SLC4A11: variants seen among roughly 807,000 people sequenced by gnomAD.
The protein encoded by SLC4A11 is solute carrier family 4 member 11, also known as bicarbonate transporter related protein 1.
SLC4A11 carries 74 observed loss-of-function variants against 95.0 expected under a neutral mutation model. The ratio of observed to expected loss-of-function variants is 0.78; its 90% confidence interval spans 0.65 to 0.95. The LOEUF (loss-of-function observed/expected upper bound fraction) is 0.95. SLC4A11 is among the 40% of genes least tolerant of loss of function. The pLI, the probability that SLC4A11 is intolerant of heterozygous loss-of-function variation, is 0.00. For missense variants in SLC4A11, 1,081 were observed against 1,192.4 expected, an observed-to-expected ratio of 0.91 and a Z score of 1.38; for synonymous variants, 548 against 519.0, an observed-to-expected ratio of 1.06 and a Z score of -0.76.
rs2067863060 is a variant in SLC4A11 at position 3,233,747 on chromosome 20, AAAG to A, written c.606-113_606-111del. 1.4e-5 allele frequency: 22 copies of A among 1,555,884 alleles called. No homozygotes were observed. The South Asian group carries it at 2.5e-4, about 17-fold the overall frequency. On this transcript the variant is annotated intron_variant, in intron 6 of 19. Transcript: ENST00000642402. The stretch of plus-strand genomic sequence containing the variant: ...CCTGGCGACCTCTGCTAGGGAGGGA[AAAG>A]AAGAGCAAATGGGACGTTCCTTGGC...
At chr20:3,236,803 C>T (rs1376921595) in intron 2 of SLC4A11, among the ~76,000 whole-genome samples, 2 of 152,092 alleles carry the variant, frequency 1.3e-5, no homozygotes, top group Non-Finnish European at 2.9e-5. Flanking sequence ...CCCATTCTTC[C>T]CCTGATGCCC....
chr20:3,239,034 G>C (rs1198255355), intron 1 of SLC4A11, 61 bp downstream of exon 1: 13 of 1,453,332 alleles, frequency 8.9e-6, no homozygotes, highest in Non-Finnish European at 1.1e-5. Flanking sequence ...GGTCCCCGAC[G>C]GGAGACGGTG....
intron 2 of SLC4A11, among the ~76,000 whole-genome samples, chr20:3,236,665 C>G (rs748995588): frequency 7.2e-5 from 11 of 152,140 alleles, no homozygotes; most frequent in Admixed American, 2.6e-4. Context: ...CTCCTTCCTC[C>G]CCGGGTCAGG....
rs752450557 is a variant in SLC4A11, at chr20:3,234,927, G to A, written c.89-33C>T. The stretch of plus-strand genomic sequence containing the variant: ...CCCCCAAGAGCAAGAGGGCCTGGCT[G>A]TTAAAGTGCCACACACAGGAAGGAG... On this transcript the variant is annotated intron_variant, in intron 2 of 19. Transcript: ENST00000642402. The surrounding 1 kb of genome is among the most constrained non-coding windows in gnomAD (Gnocchi z 5.8). The A allele has an allele frequency of 1.9e-6, 3 of 1,613,414 alleles. No individual in the cohort carries two copies. In the South Asian group the frequency reaches 3.3e-5, roughly 18 times the overall value.
Position 3,229,193 on chromosome 20 carries a change from C to T in SLC4A11, c.1920G>A (p.Arg640=), listed in dbSNP as rs2067660076. The part of the protein sequence containing the change: ...AMAQIQSLSL[R]AVSGAMGLGF... ...CGAGGCCCATGGCACCGCTGACGGC[C>T]CTCAGGGACAGCGACTGGATCTGCG... The change falls in exon 16 of 20, where the codon AGG becomes AGA. Residue 640 remains arginine, a synonymous_variant. Transcript: ENST00000642402. 1 of 1,612,536 alleles carries T rather than the reference C, an allele frequency of 6.2e-7. No individual in the cohort carries two copies. Among genetic ancestry groups the T allele is most frequent in the South Asian group, 1.1e-5 (1 of 91,080 alleles).
At chr20:3,232,950 C>G (rs1268106493) in intron 7 of SLC4A11, among the ~76,000 whole-genome samples, 2 of 152,158 alleles carry the variant, frequency 1.3e-5, no homozygotes, top group Non-Finnish European at 2.9e-5. Context: ...AGGTTCCCGC[C>G]ATGTCTGAGA....
chr20:3,229,845 G>C, intron 13 of SLC4A11, 69 bp from the exon 14 acceptor site: 1 of 1,605,742 alleles, frequency 6.2e-7, no homozygotes, highest in Non-Finnish European at 8.5e-7. Context: ...GGAGGGAGGG[G>C]ATCTCAGGGA....
chr20:3,228,312 C>T lies in SLC4A11; in HGVS notation c.2505G>A (p.Leu835=), dbSNP rs1568526892. 1.9e-6 allele frequency: 3 copies of T among 1,613,146 alleles called. No individual in the cohort carries two copies. The highest frequency in any genetic ancestry group is 8.5e-7 in the Non-Finnish European group (1 of 1,179,968). ...LLLCAFGMSS[L]PYMKMIFPLI... is the part of the protein sequence containing the mutation. ...GGGGAAAGATCATCTTCATGTAGGG[C>T]AGGGAGCTCATGCCGAAGGCACACA... Residue 835 remains leucine (L), a synonymous_variant, in exon 19 of 20, where the codon CTG becomes CTA. Coordinates refer to ENST00000642402, the MANE Select transcript of SLC4A11 (RefSeq NM_001174089.2).
Position 3,237,558 on chromosome 20 carries a change from T to C in SLC4A11, c.74A>G (p.Tyr25Cys), listed in dbSNP as rs758149180. The C allele has an allele frequency of 5.6e-6, 9 of 1,613,986 alleles. No homozygotes were observed. Among genetic ancestry groups the C allele is most frequent in the Non-Finnish European group, 7.6e-6 (9 of 1,179,992 alleles). ...GAGGTACTCACTTGAATCCTCGAAG[T>C]ATCCATTCTGCGACATGGTGGGAGA... ...ENSPTMSQNG[Y>C]FEDSSYYKCD... is the part of the protein sequence containing the mutation. The change falls in exon 2 of 20, where the codon TAC becomes TGC. Residue 25 changes from tyrosine to cysteine, a missense_variant. Physicochemically the swap from Tyr to Cys is radical, Grantham distance 194 (BLOSUM62 -2). Coordinates refer to ENST00000642402, the MANE Select transcript of SLC4A11 (RefSeq NM_001174089.2).
chr20:3,230,181 A>G lies in SLC4A11; in HGVS notation c.1489+6T>C, dbSNP rs997274394. ...TGTTCAGCAGGTGGCCCCCAGCCGCACTCACTTTTAACCGTGCCCTTGACG... is the reference window on the plus strand; with the variant it reads ...TGTTCAGCAGGTGGCCCCCAGCCGCGCTCACTTTTAACCGTGCCCTTGACG... On this transcript the variant is annotated splice_donor_region_variant and intron_variant, in intron 13 of 19. Coordinates refer to ENST00000642402, the MANE Select transcript of SLC4A11 (RefSeq NM_001174089.2). The G allele has an allele frequency of 3.1e-6, 5 of 1,613,284 alleles. No individual in the cohort carries two copies. The highest frequency in any genetic ancestry group is 2.7e-5 in the African/African-American group (2 of 74,906).
At chr20:3,235,309 T>TCTCACACACA (rs1318815472) in intron 2 of SLC4A11, among the ~76,000 whole-genome samples, 3 of 123,540 alleles carry the variant, frequency 2.4e-5, no homozygotes, top group African/African-American at 9.5e-5. Flanking sequence ...TCTCTCTCTC[T>TCTCACACACA]CACACACACA....
chr20:3,232,612 C>CT (rs1176036372), intron 7 of SLC4A11, among the ~76,000 whole-genome samples: 1 of 152,158 alleles, frequency 6.6e-6, no homozygotes, highest in African/African-American at 2.4e-5. Flanking sequence ...ACTTGGGAGG[C>CT]TGAGGCGGGA....
At position 3,230,244 on chromosome 20, in the gene SLC4A11, T is replaced by C; in HGVS notation, c.1432A>G (p.Ile478Val). Residue 478 changes from isoleucine to valine, a missense_variant, in exon 13 of 20, where the codon ATC becomes GTC. Transcript: ENST00000642402. The stretch of plus-strand genomic sequence containing the variant: ...AACGTGATGGAAATGAAGAGGGCGA[T>C]GATCTCCTCCGTCGACCTGCCAGGA... The part of the protein sequence containing the change: ...SLFKRSTEEI[I>V]ALFISITFVL... The C allele has an allele frequency of 1.2e-6, 2 of 1,613,600 alleles. No individual in the cohort carries two copies. Among genetic ancestry groups the C allele is most frequent in the Non-Finnish European group, 1.7e-6 (2 of 1,180,016 alleles).
At position 3,229,755 on chromosome 20, in the gene SLC4A11, C is replaced by A. The variant is rs759081309; in HGVS notation, c.1511G>T (p.Gly504Val). The change falls in exon 14 of 20, where the codon GGG becomes GTG. Residue 504 changes from glycine to valine, a missense_variant. Gly to Val is a moderately radical substitution (Grantham distance 109). Around this residue, in one of 3 missense-constraint regions of SLC4A11, gnomAD observed 767 missense variants for 858.0 expected, o/e 0.89. Coordinates refer to ENST00000642402, the MANE Select transcript of SLC4A11 (RefSeq NM_001174089.2). ...TGTGTGATAGTCGTCCAAGTAATGC[C>A]CATAGTAGTACTTCCAGAAGACTGT... The part of the protein sequence containing the change: ...TVKIFWKYYY[G>V]HYLDDYHTKR... The A allele has an allele frequency of 6.2e-7, 1 of 1,613,954 alleles. No homozygotes were observed. The highest frequency in any genetic ancestry group is 1.1e-5 in the South Asian group (1 of 91,086).
In SLC4A11 at chr20:3,229,586, G is replaced by A. The variant is rs2122524125; in HGVS notation, c.1680C>T (p.Leu560=). 6.2e-7 allele frequency: 1 copy of A among 1,612,768 alleles called. No individual in the cohort carries two copies. The highest frequency in any genetic ancestry group is 1.1e-5 in the South Asian group (1 of 91,044). The change falls in exon 14 of 20, where the codon CTC becomes CTT. Residue 560 remains leucine, a synonymous_variant. Transcript: ENST00000642402. ...GCGTGCCCAGCATGATGAGGAGGCTGAGCACGGCGGTCGCCTGGCCTGAGT... is the reference window on the plus strand; with the variant it reads ...GCGTGCCCAGCATGATGAGGAGGCTAAGCACGGCGGTCGCCTGGCCTGAGT... The part of the protein sequence containing the change: ...ATHSGQATAV[L]SLLIMLGTLW...
At position 3,229,753 on chromosome 20, in the gene SLC4A11, G is replaced by C; in HGVS notation, c.1513C>G (p.His505Asp). ...TTTGTGTGATAGTCGTCCAAGTAAT[G>C]CCCATAGTAGTACTTCCAGAAGACT... ...VKIFWKYYYGHYLDDYHTKRT... is the reference protein window; with the variant it reads ...VKIFWKYYYGDYLDDYHTKRT... The change falls in exon 14 of 20, where the codon CAT (histidine) becomes GAT (aspartate). Residue 505 changes from histidine (H) to aspartate (D), a missense_variant. Around this residue, in one of 3 missense-constraint regions of SLC4A11, gnomAD observed 767 missense variants for 858.0 expected, o/e 0.89. Transcript: ENST00000642402. The C allele has an allele frequency of 6.2e-7, 1 of 1,613,942 alleles. No homozygotes were observed. The highest frequency in any genetic ancestry group is 8.5e-7 in the Non-Finnish European group (1 of 1,179,976).
chr20:3,227,877 G>A (rs762504810), intron 19 of SLC4A11, 21 bp from the exon 20 acceptor site: 4 of 1,610,526 alleles, frequency 2.5e-6, no homozygotes, highest in East Asian at 2.2e-5. Context: ...GGAGGGACAG[G>A]AGGATGAGCC....
chr20:3,234,482 G>A lies in SLC4A11; in HGVS notation c.291+86C>T. The A allele has an allele frequency of 6.3e-7, 1 of 1,579,836 alleles. No homozygotes were observed. The highest frequency in any genetic ancestry group is 8.7e-7 in the Non-Finnish European group (1 of 1,151,248). ...GCTGCTCCTGGAGGCATGGGAAGAG[G>A]GGAGCAGCGGGAGGATTCTCAGGGA... On this transcript the variant is annotated intron_variant, in intron 4 of 19. Transcript: ENST00000642402. This position sits in a 1 kb window ranked among gnomAD's most constrained non-coding sequence, Gnocchi z 5.8.
intron 2 of SLC4A11, among the ~76,000 whole-genome samples, chr20:3,235,307 T>A (rs866762977): frequency 0.019 from 2,137 of 110,604 alleles, 10 homozygotes; most frequent in Non-Finnish European, 0.024. Flanking sequence ...TCTCTCTCTC[T>A]CTCACACACA....
Sources: allele counts gnomAD v4.1 joint callset (sites outside exome capture counted in the v4.1 genomes callset), GRCh38; gene constraint gnomAD v4.1.1; regional missense constraint gnomAD v4.1.1; non-coding constraint Gnocchi (gnomAD v3.1); transcripts MANE v1.5; gene names NCBI Gene and HGNC (gene_info 2026-07-23, HGNC 2026-07-21).